The following PRKG1 variants were observed in gnomAD, a reference collection of about 807,000 sequenced individuals.
The protein encoded by PRKG1 is cGMP-dependent protein kinase 1.
Under a neutral mutation model 88.1 loss-of-function variants are expected in PRKG1, and 35 were observed. The ratio of observed to expected loss-of-function variants is 0.40; its 90% confidence interval spans 0.30 to 0.53. PRKG1 has a LOEUF of 0.53. PRKG1 is among the 20% of genes least tolerant of loss of function. PRKG1 has a pLI of 0.59. For synonymous variants in PRKG1, 303 were observed against 292.5 expected, an observed-to-expected ratio of 1.04 and a Z score of -0.37; for missense variants, 540 against 839.8, an observed-to-expected ratio of 0.64 and a Z score of 4.41.
At chr10:52,081,444 T>C (rs905877470) in intron 7 of PRKG1, among the ~76,000 whole-genome samples, 2 of 152,148 alleles carry the variant, frequency 1.3e-5, no homozygotes, top group South Asian at 2.1e-4. Flanking sequence ...TCCTGATAAA[T>C]GTTAGTTACT....
intron 3 of PRKG1, among the ~76,000 whole-genome samples, chr10:51,546,245 G>A (rs1343821382): frequency 2.0e-5 from 3 of 152,034 alleles, no homozygotes; most frequent in Non-Finnish European, 4.4e-5. Flanking sequence ...TGTTATATGT[G>A]TGTATGCGGT....
chr10:51,136,397 T>G (rs1441303473), intron 1 of PRKG1, among the ~76,000 whole-genome samples: 1 of 152,046 alleles, frequency 6.6e-6, no homozygotes, highest in African/African-American at 2.4e-5. Context: ...ATAGATTTAG[T>G]CATCCTCAGC....
At chr10:51,373,003 G>A (rs970739733) in intron 2 of PRKG1, among the ~76,000 whole-genome samples, 1 of 152,014 alleles carries the variant, frequency 6.6e-6, no homozygotes, top group African/African-American at 2.4e-5. Context: ...TTCTTGTAAT[G>A]TCTCTGACAG....
At chr10:51,211,345 C>T (rs1326291416) in intron 2 of PRKG1, among the ~76,000 whole-genome samples, 1 of 152,128 alleles carries the variant, frequency 6.6e-6, no homozygotes, top group Non-Finnish European at 1.5e-5. Flanking sequence ...TATGACAAAC[C>T]TACAGCCAAT....
intron 3 of PRKG1, among the ~76,000 whole-genome samples, chr10:51,764,136 C>A (rs1233467622): frequency 6.6e-6 from 1 of 152,198 alleles, no homozygotes; most frequent in Non-Finnish European, 1.5e-5. Flanking sequence ...CTTTTTCCTT[C>A]AGGATTACAG....
rs149105444 is a variant in PRKG1 at position 52,038,959 on chromosome 10, G to A, written c.763-15525G>A. 1.4e-4 allele frequency among the ~76,000 whole-genome samples: 22 copies of A among 152,258 alleles called. No individual in the cohort carries two copies. The South Asian group carries it at 1.9e-3, about 13-fold the overall frequency. On this transcript the variant is annotated intron_variant, in intron 5 of 17. Transcript: ENST00000373980. The stretch of plus-strand genomic sequence containing the variant: ...TTGGAGAAGAGAGTAAGAAGAGGCC[G>A]CTTACCTGATTTAAAATTGGTGAGA...
chr10:52,237,635 G>A (rs909485855), intron 9 of PRKG1, among the ~76,000 whole-genome samples: 2 of 140,642 alleles, frequency 1.4e-5, no homozygotes, highest in Admixed American at 7.2e-5. Context: ...CCTCTTCAAG[G>A]AGAACTACAA....
rs189466074 is a variant in PRKG1 at position 51,722,654 on chromosome 10, C to T, written c.593-81931C>T. On this transcript the variant is annotated intron_variant, in intron 3 of 17. Coordinates refer to ENST00000373980, the MANE Select transcript of PRKG1 (RefSeq NM_006258.4). ...AAGAAAGCATTTAAACCTAGTTTAT[C>T]TCTGGCTCTAAGGCATCTATTCTTA... Among the ~76,000 whole-genome samples, 357 of 152,226 alleles carry T rather than the reference C, an allele frequency of 2.3e-3. 1 individual carries two copies. The highest frequency in any genetic ancestry group is 8.0e-3 in the African/African-American group (333 of 41,530).
intron 4 of PRKG1, 105 bp from the exon 5 acceptor site, chr10:51,907,402 G>A (rs1842109094): frequency 1.3e-6 from 1 of 744,582 alleles, no homozygotes; most frequent in South Asian, 3.3e-5. Flanking sequence ...CAGATTCCTT[G>A]TCATGAAATA....
At chr10:51,830,921 T>C (rs1250557736) in intron 4 of PRKG1, among the ~76,000 whole-genome samples, 1 of 151,996 alleles carries the variant, frequency 6.6e-6, no homozygotes, top group Non-Finnish European at 1.5e-5. Context: ...TGTGAGATCA[T>C]ACGCTCAGGA....
intron 5 of PRKG1, among the ~76,000 whole-genome samples, chr10:51,992,438 G>A (rs1424214739): frequency 6.6e-6 from 1 of 151,922 alleles, no homozygotes; most frequent in Non-Finnish European, 1.5e-5. Context: ...TATTTTATTT[G>A]CTGTGTTGAA....
intron 5 of PRKG1, among the ~76,000 whole-genome samples, chr10:51,937,101 A>C (rs11000200): frequency 0.2 from 30,530 of 151,908 alleles, 3,370 homozygotes; most frequent in East Asian, 0.31. Context: ...CACTTTAAGA[A>C]AATTACAGAA....
At chr10:51,939,668 C>T (rs1027351172) in intron 5 of PRKG1, among the ~76,000 whole-genome samples, 2 of 151,510 alleles carry the variant, frequency 1.3e-5, no homozygotes, top group African/African-American at 4.8e-5. Flanking sequence ...TCTTTTTTGG[C>T]CTCTGGTAAG....
intron 3 of PRKG1, among the ~76,000 whole-genome samples, chr10:51,589,327 G>A (rs1241967921): frequency 6.6e-6 from 1 of 152,036 alleles, no homozygotes; most frequent in Non-Finnish European, 1.5e-5. Flanking sequence ...AATATCTAAT[G>A]AAAAGAATAA....
At chr10:51,979,410 G>GTTTTTTTGTTT (rs1843937173) in intron 5 of PRKG1, among the ~76,000 whole-genome samples, 3 of 47,056 alleles carry the variant, frequency 6.4e-5, no homozygotes, top group Non-Finnish European at 7.1e-5. Context: ...ATATTGGTCT[G>GTTTTTTTGTTT]TTTTTTTTTT....
intron 3 of PRKG1, among the ~76,000 whole-genome samples, chr10:51,638,419 C>T (rs1199118266): frequency 6.6e-6 from 1 of 152,100 alleles, no homozygotes; most frequent in Non-Finnish European, 1.5e-5. Context: ...AACTTAGCTG[C>T]TCTAAGCAAT....
chr10:52,065,358 C>T (rs538064096), intron 7 of PRKG1, among the ~76,000 whole-genome samples: 3 of 152,290 alleles, frequency 2.0e-5, no homozygotes, highest in African/African-American at 4.8e-5. Context: ...ACATGATTTA[C>T]TCCTAGCATA....
At chr10:51,278,415 C>CT (rs1840192345) in intron 2 of PRKG1, among the ~76,000 whole-genome samples, 3 of 152,072 alleles carry the variant, frequency 2.0e-5, no homozygotes, top group South Asian at 2.1e-4. Context: ...CTAAAATTCT[C>CT]TTTTTTTGTT....
chr10:51,961,418 C>T (rs2133071963), intron 5 of PRKG1, among the ~76,000 whole-genome samples: 1 of 152,254 alleles, frequency 6.6e-6, no homozygotes, highest in East Asian at 1.9e-4. Context: ...AGCAGACCTG[C>T]ACAATTCAAA....
Sources: gnomAD v4.1 joint callset for allele counts (sites outside exome capture counted in the v4.1 genomes callset) on GRCh38, gnomAD v4.1.1 for gene constraint, MANE v1.5 for transcripts, NCBI Gene and HGNC (gene_info 2026-07-23, HGNC 2026-07-21) for gene names.